The following B4GALT7 variants were observed in gnomAD, a reference collection of about 807,000 sequenced individuals.
B4GALT7 encodes the protein beta-1,4-galactosyltransferase 7.
B4GALT7 carries 30 observed loss-of-function variants against 33.0 expected under a neutral mutation model. The observed-to-expected ratio is 0.91, with a 90% CI of 0.68 to 1.23. The LOEUF is 1.23. Among genes scored for constraint, B4GALT7 ranks in the 50% most tolerant of loss-of-function variants. The pLI is 0.00. For missense variants in B4GALT7, 507 were observed against 450.8 expected (o/e 1.12, Z -1.13); for synonymous variants, 213 against 187.2 (o/e 1.14, Z -1.13).
At position 177,608,420 on chromosome 5, in the gene B4GALT7, C is replaced by CA; in HGVS notation, c.640-117dup. 1 of 887,162 alleles carries CA rather than the reference C, an allele frequency of 1.1e-6. No individual in the cohort carries two copies. Among genetic ancestry groups the CA allele is most frequent in the South Asian group, 1.4e-5 (1 of 71,624 alleles). 55.0% of individuals were successfully genotyped at this position (887,162 alleles called of 1,614,324 possible). ...CGCACTGCAGAAGTGCAGGAGCCTGCAAGCACCCGGGGCTTATTCAGAGGC... is the reference window on the plus strand; with the variant it reads ...CGCACTGCAGAAGTGCAGGAGCCTGCAAAGCACCCGGGGCTTATTCAGAGGC... On this transcript the variant is annotated intron_variant, in intron 3 of 5. Coordinates refer to ENST00000029410, the MANE Select transcript of B4GALT7 (RefSeq NM_007255.3). This position sits in a 1 kb window ranked among gnomAD's most constrained non-coding sequence, Gnocchi z 4.1.
chr5:177,600,251 A>G lies in B4GALT7; in HGVS notation c.41A>G (p.Glu14Gly). The G allele has an allele frequency of 7.3e-7, 1 of 1,372,498 alleles. No homozygotes were observed. 85.0% of individuals were successfully genotyped at this position (1,372,498 alleles called of 1,614,324 possible). The change falls in exon 1 of 6, where the codon GAG (glutamate) becomes GGG (glycine). Residue 14 changes from glutamate to glycine, a missense_variant. Coordinates refer to ENST00000029410, the MANE Select transcript of B4GALT7 (RefSeq NM_007255.3). The surrounding 1 kb of genome is among the most constrained non-coding windows in gnomAD (Gnocchi z 4.4). ...SRRKAAQLPWEDGRSGLLSGG... is the reference protein window; with the variant it reads ...SRRKAAQLPWGDGRSGLLSGG... The stretch of plus-strand genomic sequence containing the variant: ...AGGAAAGCGGCGCAGCTGCCCTGGG[A>G]GGACGGCAGGTGAGCGGCGGCGGTG...
rs201616836 is a variant in B4GALT7 at position 177,609,578 on chromosome 5, T to C, written c.867T>C (p.Thr289=). Residue 289 remains threonine, a synonymous_variant, in exon 6 of 6, where the codon ACT becomes ACC. Coordinates refer to ENST00000029410, the MANE Select transcript of B4GALT7 (RefSeq NM_007255.3). ...TGGACAGGGAGGGAGGCCTGAACACTGTGAAGTACCATGTGGCTTCCCGCA... is the reference window on the plus strand; with the variant it reads ...TGGACAGGGAGGGAGGCCTGAACACCGTGAAGTACCATGTGGCTTCCCGCA... The part of the protein sequence containing the change: ...FKVDREGGLN[T]VKYHVASRTA... The C allele has an allele frequency of 8.8e-5, 142 of 1,613,810 alleles. No homozygotes were observed. The highest frequency in any genetic ancestry group is 6.3e-4 in the Admixed American group (38 of 60,032).
Position 177,606,696 on chromosome 5 carries a change from G to A in B4GALT7, c.414-606G>A, listed in dbSNP as rs953645457. ...AGCCTCCATGGCACCCATCTTACCC[G>A]AGTCAAAGCCCCGTCCTTCAGTGGC... On this transcript the variant is annotated intron_variant, in intron 2 of 5. Coordinates refer to ENST00000029410, the MANE Select transcript of B4GALT7 (RefSeq NM_007255.3). This position sits in a 1 kb window ranked among gnomAD's most constrained non-coding sequence, Gnocchi z 4.2. The A allele has an allele frequency of 1.5e-5, 3 of 199,036 alleles. No individual in the cohort carries two copies. Among genetic ancestry groups the A allele is most frequent in the African/African-American group, 2.3e-5 (1 of 43,352 alleles). 12.3% of individuals were successfully genotyped at this position (199,036 alleles called of 1,614,324 possible).
chr5:177,603,397 A>G (rs1767893019), intron 1 of B4GALT7: 22 of 981,810 alleles, frequency 2.2e-5, no homozygotes, highest in Non-Finnish European at 2.7e-5. Context: ...TGCTAACCAA[A>G]AGGCTGTCTC....
chr5:177,602,149 C>T (rs928747758), intron 1 of B4GALT7, among the ~76,000 whole-genome samples: 1 of 152,164 alleles, frequency 6.6e-6, no homozygotes, highest in African/African-American at 2.4e-5. Context: ...CAGGACTGGG[C>T]TGTGCTCCTC....
chr5:177,600,197 C>A lies in B4GALT7; in HGVS notation c.-14C>A. 1 of 1,362,910 alleles carries A rather than the reference C, an allele frequency of 7.3e-7. No individual in the cohort carries two copies. The highest frequency in any genetic ancestry group is 9.5e-7 in the Non-Finnish European group (1 of 1,051,548). The allele number at this position is 1,362,910 out of a possible 1,614,324, so 84.4% of individuals were successfully genotyped here. On this transcript the variant is annotated 5_prime_UTR_variant, in exon 1 of 6. Coordinates refer to ENST00000029410, the MANE Select transcript of B4GALT7 (RefSeq NM_007255.3). This position sits in a 1 kb window ranked among gnomAD's most constrained non-coding sequence, Gnocchi z 4.4. ...TGCGAGCGCCTGCCCCATGCGCCGCCGCCTCTCCGCACGATGTTCCCCTCG... is the reference window on the plus strand; with the variant it reads ...TGCGAGCGCCTGCCCCATGCGCCGCAGCCTCTCCGCACGATGTTCCCCTCG...
Position 177,609,773 on chromosome 5 carries a change from C to T in B4GALT7, c.*78C>T. ...AGGACAAGGCCTCAGGTCGTGGGCC[C>T]AGCTCTGACAGGATGTGGAGTGGCC... On this transcript the variant is annotated 3_prime_UTR_variant, in exon 6 of 6. Transcript: ENST00000029410. The T allele has an allele frequency of 3.3e-6, 5 of 1,526,692 alleles. No homozygotes were observed. Among genetic ancestry groups the T allele is most frequent in the East Asian group, 2.5e-5 (1 of 40,784 alleles). 94.6% of individuals were successfully genotyped at this position (1,526,692 alleles called of 1,614,324 possible).
At chr5:177,605,025 C>T (rs762021938) in intron 2 of B4GALT7, 4 of 456,010 alleles carry the variant, frequency 8.8e-6, no homozygotes, top group South Asian at 1.5e-5. Context: ...CCCACCAGCC[C>T]CCACCTCCTT....
Position 177,606,281 on chromosome 5 carries a change from A to T in B4GALT7, c.414-1021A>T, listed in dbSNP as rs1768008056. 1 of 152,406 alleles carries T rather than the reference A, an allele frequency of 6.6e-6. No homozygotes were observed. Among genetic ancestry groups the T allele is most frequent in the Non-Finnish European group, 1.5e-5 (1 of 68,262 alleles). The allele number at this position is 152,406 out of a possible 1,614,324, so 9.4% of individuals were successfully genotyped here. ...CCCTCCACGTGGTGGCCTCAGAGCT[A>T]CTGCAAGCTTCCATGATCACAGCTG... is the stretch of plus-strand genomic sequence containing the variant. On this transcript the variant is annotated intron_variant, in intron 2 of 5. Coordinates refer to ENST00000029410, the MANE Select transcript of B4GALT7 (RefSeq NM_007255.3). The surrounding 1 kb of genome is among the most constrained non-coding windows in gnomAD (Gnocchi z 4.2).
chr5:177,603,921 C>T (rs1039719085), intron 1 of B4GALT7: 13 of 538,918 alleles, frequency 2.4e-5, no homozygotes, highest in Admixed American at 1.3e-4. Context: ...ATTGAGGAGC[C>T]GGGGCAGCTC....
In B4GALT7 at chr5:177,600,179, G is replaced by A; in HGVS notation, c.-32G>A. 7.6e-7 allele frequency: 1 copy of A among 1,323,150 alleles called. No individual in the cohort carries two copies. The highest frequency in any genetic ancestry group is 1.5e-5 in the African/African-American group (1 of 65,394). 82.0% of individuals were successfully genotyped at this position (1,323,150 alleles called of 1,614,324 possible). On this transcript the variant is annotated 5_prime_UTR_variant, in exon 1 of 6. Coordinates refer to ENST00000029410, the MANE Select transcript of B4GALT7 (RefSeq NM_007255.3). This position sits in a 1 kb window ranked among gnomAD's most constrained non-coding sequence, Gnocchi z 4.4. ...AGGCCGGGCCGGCCGGGCTGCGAGC[G>A]CCTGCCCCATGCGCCGCCGCCTCTC... is the stretch of plus-strand genomic sequence containing the variant.
rs553888298 is a variant in B4GALT7 at position 177,600,829 on chromosome 5, G to T, written c.50+569G>T. Among the ~76,000 whole-genome samples the T allele has an allele frequency of 6.6e-6, 1 of 152,208 alleles. No homozygotes were observed. Among genetic ancestry groups the T allele is most frequent in the South Asian group, 2.1e-4 (1 of 4,820 alleles). ...GCAGAACCCACCAGACAGAAGCTCC[G>T]TGCTCTGCCTGGCTGGTCACTGCCT... On this transcript the variant is annotated intron_variant, in intron 1 of 5. Transcript: ENST00000029410. The surrounding 1 kb of genome is among the most constrained non-coding windows in gnomAD (Gnocchi z 4.4).
chr5:177,606,851 G>T lies in B4GALT7; in HGVS notation c.414-451G>T. The T allele has an allele frequency of 3.2e-6, 1 of 317,294 alleles. No homozygotes were observed. The highest frequency in any genetic ancestry group is 6.2e-6 in the Non-Finnish European group (1 of 160,086). 19.7% of individuals were successfully genotyped at this position (317,294 alleles called of 1,614,324 possible). On this transcript the variant is annotated intron_variant, in intron 2 of 5. Transcript: ENST00000029410. This position sits in a 1 kb window ranked among gnomAD's most constrained non-coding sequence, Gnocchi z 4.2. ...CCATCTCTCCTATGCAGAGCCCTAG[G>T]CACCCACTGCCCTGTGGGTCATCTC...
chr5:177,600,200 C>G lies in B4GALT7; in HGVS notation c.-11C>G. ...GAGCGCCTGCCCCATGCGCCGCCGC[C>G]TCTCCGCACGATGTTCCCCTCGCGG... On this transcript the variant is annotated 5_prime_UTR_variant, in exon 1 of 6. Transcript: ENST00000029410. This position sits in a 1 kb window ranked among gnomAD's most constrained non-coding sequence, Gnocchi z 4.4. 1 of 1,367,148 alleles carries G rather than the reference C, an allele frequency of 7.3e-7. No individual in the cohort carries two copies. Among genetic ancestry groups the G allele is most frequent in the Non-Finnish European group, 9.5e-7 (1 of 1,053,872 alleles). The allele number at this position is 1,367,148 out of a possible 1,614,324, so 84.7% of individuals were successfully genotyped here.
chr5:177,609,303 G>T (rs1333644003), intron 5 of B4GALT7, among the ~76,000 whole-genome samples: 1 of 152,140 alleles, frequency 6.6e-6, no homozygotes, highest in Non-Finnish European at 1.5e-5. Flanking sequence ...GGGATGCAGG[G>T]ATCCCACCCT....
chr5:177,601,976 G>A (rs995842636), intron 1 of B4GALT7, among the ~76,000 whole-genome samples: 1 of 152,172 alleles, frequency 6.6e-6, no homozygotes, highest in Non-Finnish European at 1.5e-5. Flanking sequence ...GACGTGCTCG[G>A]AGTACCCAGT....
chr5:177,602,350 T>A (rs1767869530), intron 1 of B4GALT7, among the ~76,000 whole-genome samples: 1 of 152,220 alleles, frequency 6.6e-6, no homozygotes. Context: ...AGGCATGCCC[T>A]GACTGCCTTA....
At position 177,608,354 on chromosome 5, in the gene B4GALT7, G is replaced by A; in HGVS notation, c.640-185G>A. On this transcript the variant is annotated intron_variant, in intron 3 of 5. Coordinates refer to ENST00000029410, the MANE Select transcript of B4GALT7 (RefSeq NM_007255.3). The surrounding 1 kb of genome is among the most constrained non-coding windows in gnomAD (Gnocchi z 4.1). ...CTCTCACACAGGTTCAAGGCCCCGT[G>A]AGAACGGGAGAGGGCCCGGGACGCG... 1 of 604,880 alleles carries A rather than the reference G, an allele frequency of 1.7e-6. No homozygotes were observed. The highest frequency in any genetic ancestry group is 2.9e-6 in the Non-Finnish European group (1 of 339,546). The allele number at this position is 604,880 out of a possible 1,614,324, so 37.5% of individuals were successfully genotyped here. A position where few individuals can be genotyped will look rare whatever the true frequency, so the allele number is the denominator to read the frequency against.
At position 177,609,006 on chromosome 5, in the gene B4GALT7, C is replaced by G; in HGVS notation, c.820C>G (p.Gln274Glu). The G allele has an allele frequency of 6.2e-7, 1 of 1,610,650 alleles. No homozygotes were observed. Among genetic ancestry groups the G allele is most frequent in the Non-Finnish European group, 8.5e-7 (1 of 1,179,364 alleles). Reference protein sequence around the residue: ...RKRDQKRIAAQKQEQFKVDRE... With the variant: ...RKRDQKRIAAEKQEQFKVDRE... Reference sequence around the variant, plus strand: ...GAGGGACCAGAAGCGCATCGCAGCTCAAAAACAGGTGCTGGCAGGGCTCCT... The same window carrying G: ...GAGGGACCAGAAGCGCATCGCAGCTGAAAAACAGGTGCTGGCAGGGCTCCT... The change falls in exon 5 of 6, where the codon CAA becomes GAA. Residue 274 changes from glutamine to glutamate, a missense_variant. By Grantham distance (29) the Gln-to-Glu change is conservative. Transcript: ENST00000029410.
Sources: gnomAD v4.1 joint callset for allele counts (sites outside exome capture counted in the v4.1 genomes callset) on GRCh38, gnomAD v4.1.1 for gene constraint, Gnocchi (gnomAD v3.1) non-coding constraint, MANE v1.5 for transcripts, NCBI Gene and HGNC (gene_info 2026-07-23, HGNC 2026-07-21) for gene names.